The following SIPA1L2 variants were observed in gnomAD, a reference collection of about 807,000 sequenced individuals.
SIPA1L2 encodes the protein signal induced proliferation associated 1 like 2.
A neutral mutation model predicts 163.9 loss-of-function variants in SIPA1L2; 56 were observed. That is an observed-to-expected ratio of 0.34 (90% CI 0.28 to 0.43). The LOEUF (loss-of-function observed/expected upper bound fraction) is 0.43. SIPA1L2 is among the 20% of genes least tolerant of loss of function. The pLI is 1.00. For synonymous variants in SIPA1L2, 877 were observed against 865.7 expected (o/e 1.01, Z -0.23); for missense variants, 1,974 against 2,193.5 (o/e 0.90, Z 2.00).
At chr1:232,500,964 A>G (rs535573483) in intron 3 of SIPA1L2, among the ~76,000 whole-genome samples, 49 of 151,396 alleles carry the variant, frequency 3.2e-4, no homozygotes, top group Non-Finnish European at 5.9e-4. Flanking sequence ...GCCAACAGCC[A>G]TCAATGTGGA....
chr1:232,474,510 A>C, intron 7 of SIPA1L2, among the ~76,000 whole-genome samples: 1 of 152,206 alleles, frequency 6.6e-6, no homozygotes, highest in East Asian at 1.9e-4. Flanking sequence ...TAGTGCAAAA[A>C]TACAGTAAGA....
intron 1 of SIPA1L2, among the ~76,000 whole-genome samples, chr1:232,605,983 C>G (rs1350740274): frequency 2.0e-5 from 3 of 151,946 alleles, no homozygotes; most frequent in Non-Finnish European, 4.4e-5. Flanking sequence ...ATCAGTGTCT[C>G]AGACACATGA....
chr1:232,604,408 G>A (rs775765206), intron 1 of SIPA1L2, among the ~76,000 whole-genome samples: 3 of 152,112 alleles, frequency 2.0e-5, no homozygotes, highest in African/African-American at 4.8e-5. Flanking sequence ...GTTCAATAAC[G>A]CAGAAAAGTA....
intron 2 of SIPA1L2, among the ~76,000 whole-genome samples, chr1:232,572,574 T>C (rs6690469): frequency 0.019 from 2,935 of 151,788 alleles, 98 homozygotes; most frequent in African/African-American, 0.066. Context: ...TGTACTTATG[T>C]ACTCACAATT....
In SIPA1L2 at chr1:232,415,510, A is replaced by G. The variant is rs1572862693; in HGVS notation, c.4746T>C (p.Ala1582=). Residue 1582 remains alanine (A), a synonymous_variant, in exon 19 of 23, where the codon GCT becomes GCC. Coordinates refer to ENST00000674635, the MANE Select transcript of SIPA1L2 (RefSeq NM_020808.5). The part of the protein sequence containing the change: ...TGLDWTHLVD[A]ARAFEGLDSD... Reference sequence around the variant, plus strand: ...AGTCTTTACCTTCAAATGCCCGTGCAGCATCCACGAGGTGGGTCCAATCTA... The same window carrying G: ...AGTCTTTACCTTCAAATGCCCGTGCGGCATCCACGAGGTGGGTCCAATCTA... 6.2e-7 allele frequency: 1 copy of G among 1,611,748 alleles called. No individual in the cohort carries two copies.
intron 22 of SIPA1L2, among the ~76,000 whole-genome samples, chr1:232,401,290 C>A (rs1224110359): frequency 1.3e-5 from 2 of 152,126 alleles, no homozygotes; most frequent in African/African-American, 4.8e-5. Context: ...CCATCCCGGG[C>A]AAACTGGGAC....
intron 19 of SIPA1L2, among the ~76,000 whole-genome samples, chr1:232,409,000 A>G (rs1660797670): frequency 1.3e-5 from 2 of 152,164 alleles, no homozygotes; most frequent in South Asian, 4.1e-4. Context: ...CTAAATCCAA[A>G]TGGAATACAT....
At chr1:232,585,903 T>C (rs191936934) in intron 1 of SIPA1L2, among the ~76,000 whole-genome samples, 3 of 152,252 alleles carry the variant, frequency 2.0e-5, no homozygotes, top group East Asian at 1.9e-4. Flanking sequence ...AGTTCACAGC[T>C]TGAAGTAGGA....
intron 2 of SIPA1L2, among the ~76,000 whole-genome samples, chr1:232,525,252 T>TTTTTC (rs1667643191): frequency 6.8e-6 from 1 of 147,304 alleles, no homozygotes. Context: ...TTTTTTTTTT[T>TTTTTC]GGAGACGGAG....
At chr1:232,462,218 G>GA in intron 9 of SIPA1L2, 1 of 1,550,910 alleles carries the variant, frequency 6.4e-7, no homozygotes, top group Non-Finnish European at 8.7e-7. Flanking sequence ...TCCAATGAAA[G>GA]AAAAACATGG....
Position 232,564,234 on chromosome 1 carries a change from TCGTG to T in SIPA1L2, c.-270+9936_-270+9939del, listed in dbSNP as rs1225150247. ...TGAACGACAAAGGTTTTTTTTTTTT[TCGTG>T]TGTGTGTGTGTGTGTGTGTGTGTGT... is the stretch of plus-strand genomic sequence containing the variant. On this transcript the variant is annotated intron_variant, in intron 2 of 22. Transcript: ENST00000674635. 5.9e-4 allele frequency among the ~76,000 whole-genome samples: 27 copies of T among 45,532 alleles called. 1 individual carries two copies. Among genetic ancestry groups the T allele is most frequent in the African/African-American group, 1.5e-3 (11 of 7,550 alleles). The allele number at this position is 45,532 out of a possible 152,430, so 29.9% of individuals were successfully genotyped here.
chr1:232,534,069 C>T (rs1657154317), intron 2 of SIPA1L2, among the ~76,000 whole-genome samples: 1 of 151,038 alleles, frequency 6.6e-6, no homozygotes. Context: ...CTCAAGGGAC[C>T]CCAAATAGCC....
chr1:232,451,917 A>G (rs895129054), intron 10 of SIPA1L2, among the ~76,000 whole-genome samples: 1 of 138,298 alleles, frequency 7.2e-6, no homozygotes, highest in Non-Finnish European at 1.6e-5. Flanking sequence ...TGTCTAGCCA[A>G]TAACTTTTCT....
At chr1:232,455,299 T>C (rs1663828068) in intron 10 of SIPA1L2, among the ~76,000 whole-genome samples, 1 of 152,158 alleles carries the variant, frequency 6.6e-6, no homozygotes, top group Non-Finnish European at 1.5e-5. Context: ...AAAAGCTCAC[T>C]TGAGACACAC....
At chr1:232,403,991 A>G in intron 20 of SIPA1L2, 134 bp downstream of exon 20, 1 of 928,744 alleles carries the variant, frequency 1.1e-6, no homozygotes, top group Non-Finnish European at 1.7e-6. Context: ...TGGAGACAGA[A>G]CAGCCAGGAC....
At chr1:232,590,749 A>G (rs1259764331) in intron 1 of SIPA1L2, among the ~76,000 whole-genome samples, 1 of 152,260 alleles carries the variant, frequency 6.6e-6, no homozygotes, top group Non-Finnish European at 1.5e-5. Context: ...CCTGCAGTGA[A>G]AGAATATGAG....
At chr1:232,512,293 A>G (rs1667014964) in intron 3 of SIPA1L2, among the ~76,000 whole-genome samples, 1 of 152,226 alleles carries the variant, frequency 6.6e-6, no homozygotes, top group African/African-American at 2.4e-5. Flanking sequence ...TAGTTCAGCT[A>G]TTGTGGAAGA....
chr1:232,609,307 A>G (rs1218850758), intron 1 of SIPA1L2, among the ~76,000 whole-genome samples: 2 of 152,236 alleles, frequency 1.3e-5, no homozygotes, highest in Non-Finnish European at 2.9e-5. Flanking sequence ...GACAGATCAA[A>G]GATAAATTTT....
intron 2 of SIPA1L2, among the ~76,000 whole-genome samples, chr1:232,553,302 T>C (rs1017139093): frequency 6.6e-6 from 1 of 152,302 alleles, no homozygotes; most frequent in Non-Finnish European, 1.5e-5. Flanking sequence ...TGCTGCACTG[T>C]TCTGCTGCCC....
Sources: allele counts gnomAD v4.1 joint callset (sites outside exome capture counted in the v4.1 genomes callset), GRCh38; gene constraint gnomAD v4.1.1; transcripts MANE v1.5; gene names NCBI Gene and HGNC (gene_info 2026-07-23, HGNC 2026-07-21).